Variants in ATF6B observed in about 807,000 individuals in gnomAD.
ATF6B encodes the protein cyclic AMP-dependent transcription factor ATF-6 beta.
A neutral mutation model predicts 83.5 loss-of-function variants in ATF6B; 50 were observed. The ratio of observed to expected loss-of-function variants is 0.60; its 90% CI spans 0.48 to 0.76. ATF6B has a LOEUF of 0.76. Among genes scored for constraint, ATF6B ranks in the 30% least tolerant of loss-of-function variants. The pLI, the probability that ATF6B is intolerant of heterozygous loss-of-function variation, is 0.00. For missense variants in ATF6B, 790 were observed against 893.8 expected (o/e 0.88, Z 1.48); for synonymous variants, 344 against 362.8 (o/e 0.95, Z 0.59).
Position 32,116,253 on chromosome 6 carries a change from C to T in ATF6B, c.1882+227G>A, listed in dbSNP as rs1298858100. 6.6e-6 allele frequency among the ~76,000 whole-genome samples: 1 copy of T among 152,178 alleles called. No individual in the cohort carries two copies. The highest frequency in any genetic ancestry group is 1.5e-5 in the Non-Finnish European group (1 of 68,024). ...GTCTAGCAGGTTCCCGGCCCCCCGC[C>T]TCTGCCCAGTCATCTACCCAAGCAC... On this transcript the variant is annotated intron_variant, in intron 17 of 17. Transcript: ENST00000375203. The surrounding 1 kb of genome is among the most constrained non-coding windows in gnomAD (Gnocchi z 5.1).
intron 4 of ATF6B, 74 bp from the exon 5 acceptor site, chr6:32,126,326 G>A (rs931481949): frequency 5.8e-6 from 9 of 1,540,586 alleles, no homozygotes; most frequent in Admixed American, 2.0e-5. Flanking sequence ...CAGTAAGAGC[G>A]AGAACAAAAG....
At chr6:32,124,072 T>C (rs1479344650) in intron 5 of ATF6B, among the ~76,000 whole-genome samples, 1 of 152,066 alleles carries the variant, frequency 6.6e-6, no homozygotes, top group Non-Finnish European at 1.5e-5. Flanking sequence ...TGGTGGAGCA[T>C]GCCTGTAATC....
Position 32,119,080 on chromosome 6 carries a change from C to T in ATF6B, c.1028G>A (p.Arg343Gln), listed in dbSNP as rs372269727. ...IKNRESACQS[R>Q]RKKKEYLQGL... ...CTGCAGATACTCTTTCTTCTTTCTC[C>T]GGGACTGGCAGGCTGACTCCCGGTT... The change falls in exon 10 of 18, where the codon CGG becomes CAG. Residue 343 changes from arginine (R) to glutamine (Q), a missense_variant. Coordinates refer to ENST00000375203, the MANE Select transcript of ATF6B (RefSeq NM_004381.5). This position sits in a 1 kb window ranked among gnomAD's most constrained non-coding sequence, Gnocchi z 4.9. 3.1e-6 allele frequency: 5 copies of T among 1,613,726 alleles called. No homozygotes were observed. The highest frequency in any genetic ancestry group is 2.2e-5 in the East Asian group (1 of 44,900).
chr6:32,115,723 G>A lies in ATF6B; in HGVS notation c.*16C>T. The stretch of plus-strand genomic sequence containing the variant: ...TACCCCCTCCCCCCGTTCTAAGTCA[G>A]TGTGAATGGCAGAGGTCAGGGATGA... On this transcript the variant is annotated 3_prime_UTR_variant, in exon 18 of 18. Transcript: ENST00000375203. 1 of 1,566,320 alleles carries A rather than the reference G, an allele frequency of 6.4e-7. No individual in the cohort carries two copies. The highest frequency in any genetic ancestry group is 8.7e-7 in the Non-Finnish European group (1 of 1,152,692).
Position 32,124,646 on chromosome 6 carries a change from A to G in ATF6B, c.478+1471T>C, listed in dbSNP as rs117648322. On this transcript the variant is annotated intron_variant, in intron 5 of 17. Transcript: ENST00000375203. ...GGCCCTGTAGCCCCTGCAGTTCCACATCACTCCCCAAATCCTTCTTACATC... is the reference window on the plus strand; with the variant it reads ...GGCCCTGTAGCCCCTGCAGTTCCACGTCACTCCCCAAATCCTTCTTACATC... 4.3e-3 allele frequency among the ~76,000 whole-genome samples: 649 copies of G among 152,230 alleles called. 7 individuals are homozygous for G. Among genetic ancestry groups the G allele is most frequent in the South Asian group, 5.4e-3 (26 of 4,830 alleles).
At position 32,120,904 on chromosome 6, in the gene ATF6B, TGAAG is replaced by T; in HGVS notation, c.701-6_701-3del. Reference sequence around the variant, plus strand: ...GCTTCCGGGTGGGCAGGGCTTTGCCTGAAGGAAGGTGAGAGAAAAGAACAAGAAA... The same window carrying T: ...GCTTCCGGGTGGGCAGGGCTTTGCCTGAAGGTGAGAGAAAAGAACAAGAAA... On this transcript the variant is annotated splice_polypyrimidine_tract_variant and splice_region_variant and intron_variant, in intron 7 of 17. Transcript: ENST00000375203. 1 of 1,530,336 alleles carries T rather than the reference TGAAG, an allele frequency of 6.5e-7. No individual in the cohort carries two copies. Among genetic ancestry groups the T allele is most frequent in the African/African-American group, 1.4e-5 (1 of 72,102 alleles). The allele number at this position is 1,530,336 out of a possible 1,614,324, so 94.8% of individuals were successfully genotyped here.
chr6:32,122,456 A>G (rs1781799526), intron 5 of ATF6B, among the ~76,000 whole-genome samples: 3 of 152,166 alleles, frequency 2.0e-5, no homozygotes, highest in African/African-American at 7.2e-5. Context: ...ACTTAATTAT[A>G]TGATCACTAA....
rs766873233 is a variant in ATF6B at position 32,128,136 on chromosome 6, C to G, written c.72G>C (p.Pro24=). ...CCTCACTCTGCAGACCCCAGTCCTC[C>G]GGGCTAAGCAGGTTGTCGGTGAAGA... is the stretch of plus-strand genomic sequence containing the variant. ...TRFFTDNLLS[P]EDWGLQNSTL... is the part of the protein sequence containing the mutation. The change falls in exon 1 of 18, where the codon CCG becomes CCC. Residue 24 remains proline, a synonymous_variant. Transcript: ENST00000375203. The G allele has an allele frequency of 6.2e-7, 1 of 1,613,358 alleles. No individual in the cohort carries two copies. The highest frequency in any genetic ancestry group is 2.2e-5 in the East Asian group (1 of 44,868).
intron 5 of ATF6B, among the ~76,000 whole-genome samples, chr6:32,123,039 C>A (rs964539026): frequency 6.6e-6 from 1 of 151,490 alleles, no homozygotes; most frequent in African/African-American, 2.4e-5. Context: ...CCAGCCTGAA[C>A]AACATGGCAA....
chr6:32,121,123 G>A lies in ATF6B; in HGVS notation c.566C>T (p.Ala189Val), dbSNP rs1201596930. 2.5e-6 allele frequency: 4 copies of A among 1,586,550 alleles called. No homozygotes were observed. The African/African-American group carries it at 5.4e-5, about 21-fold the overall frequency. Residue 189 changes from alanine (A) to valine (V), a missense_variant and splice_region_variant, in exon 7 of 18, where the codon GCT becomes GTT. Physicochemically the swap from Ala to Val is moderately conservative, Grantham distance 64. Transcript: ENST00000375203. Reference sequence around the variant, plus strand: ...TTCCAGGACCTCCTCTCCTATAAAAGCCTATGTGGGGCATTCCAGAGATAC... The same window carrying A: ...TTCCAGGACCTCCTCTCCTATAAAAACCTATGTGGGGCATTCCAGAGATAC... ...SLLSADSSSQAFIGEEVLEVK... is the reference protein window; with the variant it reads ...SLLSADSSSQVFIGEEVLEVK...
intron 1 of ATF6B, 75 bp from the exon 2 acceptor site, chr6:32,127,825 T>A (rs1237151062): frequency 1.3e-6 from 2 of 1,496,358 alleles, no homozygotes; most frequent in African/African-American, 1.4e-5. Context: ...CCCCGCCCCA[T>A]CCCTCATTGG....
intron 5 of ATF6B, among the ~76,000 whole-genome samples, chr6:32,123,750 A>G (rs1024390633): frequency 1.3e-5 from 2 of 151,980 alleles, no homozygotes; most frequent in African/African-American, 4.8e-5. Context: ...AATCTGCTAG[A>G]TATAATCTGT....
Position 32,115,873 on chromosome 6 carries a change from A to T in ATF6B, c.1978T>A (p.Ser660Thr). 1 of 1,614,062 alleles carries T rather than the reference A, an allele frequency of 6.2e-7. No homozygotes were observed. The highest frequency in any genetic ancestry group is 8.5e-7 in the Non-Finnish European group (1 of 1,179,990). ...MDTRVIHIKT[S>T]TVPPSLRKQP... Reference sequence around the variant, plus strand: ...TTTCGGAGCGAGGGGGGCACTGTGGAGGTCTTGATGTGAATCACCCTGGTG... The same window carrying T: ...TTTCGGAGCGAGGGGGGCACTGTGGTGGTCTTGATGTGAATCACCCTGGTG... The change falls in exon 18 of 18, where the codon TCC (serine) becomes ACC (threonine). Residue 660 changes from serine to threonine, a missense_variant. Around this residue, in one of 3 missense-constraint regions of ATF6B, gnomAD observed 530 missense variants for 632.6 expected, o/e 0.84. Transcript: ENST00000375203.
Position 32,125,852 on chromosome 6 carries a change from TA to T in ATF6B, c.478+264del, listed in dbSNP as rs1288249909. ...AAACTGCTCACAAGTTTTTAAAAAG[TA>T]AGTTGAATGGCATGACAGAATACTA... On this transcript the variant is annotated intron_variant, in intron 5 of 17. Coordinates refer to ENST00000375203, the MANE Select transcript of ATF6B (RefSeq NM_004381.5). This position sits in a 1 kb window ranked among gnomAD's most constrained non-coding sequence, Gnocchi z 4.1. 2.0e-5 allele frequency among the ~76,000 whole-genome samples: 3 copies of T among 152,130 alleles called. No individual in the cohort carries two copies. Among genetic ancestry groups the T allele is most frequent in the Non-Finnish European group, 4.4e-5 (3 of 68,018 alleles).
At chr6:32,124,909 G>A (rs188098973) in intron 5 of ATF6B, among the ~76,000 whole-genome samples, 3 of 151,576 alleles carry the variant, frequency 2.0e-5, no homozygotes, top group African/African-American at 4.8e-5. Context: ...GTGCAGTGGC[G>A]TGATCTCGGC....
chr6:32,126,502 A>G (rs1345934177), intron 4 of ATF6B, among the ~76,000 whole-genome samples: 1 of 152,196 alleles, frequency 6.6e-6, no homozygotes, highest in African/African-American at 2.4e-5. Context: ...GGGCAAGAAC[A>G]GTTCCAGAAT....
chr6:32,115,754 G>A lies in ATF6B; in HGVS notation c.2097C>T (p.Tyr699=), dbSNP rs567496163. 9 of 1,603,750 alleles carry A rather than the reference G, an allele frequency of 5.6e-6. No individual in the cohort carries two copies. The highest frequency in any genetic ancestry group is 7.7e-6 in the Non-Finnish European group (9 of 1,174,782). ...ATGGCAGAGGTCAGGGATGATTGAGGTAGAGGGGCTGGTGGGAGGCCTGGT... is the reference window on the plus strand; with the variant it reads ...ATGGCAGAGGTCAGGGATGATTGAGATAGAGGGGCTGGTGGGAGGCCTGGT... The part of the protein sequence containing the change: ...QAHQASHQPL[Y]LNHP Residue 699 remains tyrosine, a synonymous_variant, in exon 18 of 18, where the codon TAC becomes TAT. Coordinates refer to ENST00000375203, the MANE Select transcript of ATF6B (RefSeq NM_004381.5).
intron 5 of ATF6B, among the ~76,000 whole-genome samples, chr6:32,122,623 T>C (rs895824336): frequency 7.4e-6 from 1 of 135,962 alleles, no homozygotes. Flanking sequence ...CCGAGGCAGG[T>C]GGATCACGAG....
In ATF6B at chr6:32,116,268, T is replaced by C. The variant is rs1437856968; in HGVS notation, c.1882+212A>G. 6.6e-6 allele frequency among the ~76,000 whole-genome samples: 1 copy of C among 152,178 alleles called. No homozygotes were observed. The highest frequency in any genetic ancestry group is 6.5e-5 in the Admixed American group (1 of 15,276). ...GGCCCCCCGCCTCTGCCCAGTCATC[T>C]ACCCAAGCACCTTCACCAGGGAAGG... On this transcript the variant is annotated intron_variant, in intron 17 of 17. Coordinates refer to ENST00000375203, the MANE Select transcript of ATF6B (RefSeq NM_004381.5). The surrounding 1 kb of genome is among the most constrained non-coding windows in gnomAD (Gnocchi z 5.1).
Sources: gnomAD v4.1 joint callset for allele counts (sites outside exome capture counted in the v4.1 genomes callset) on GRCh38, gnomAD v4.1.1 for gene constraint, gnomAD v4.1.1 regional missense constraint, Gnocchi (gnomAD v3.1) non-coding constraint, MANE v1.5 for transcripts, NCBI Gene and HGNC (gene_info 2026-07-23, HGNC 2026-07-21) for gene names.